The following CHP2 variants were observed in gnomAD, a reference collection of about 807,000 sequenced individuals.
The protein encoded by CHP2 is calcineurin B homologous protein 2.
Under a neutral mutation model 24.7 loss-of-function variants are expected in CHP2, and 31 were observed. The ratio of observed to expected loss-of-function variants is 1.26; its 90% CI spans 0.94 to 1.69. The LOEUF (loss-of-function observed/expected upper bound fraction) is 1.69. Among genes scored for constraint, CHP2 ranks in the 40% most tolerant of loss-of-function variants. The probability of loss-of-function intolerance (pLI) is 0.00; values close to 1 mark genes in which losing one functional copy is unlikely to be tolerated. For missense variants in CHP2, 319 were observed against 261.5 expected (o/e 1.22, Z -1.52); for synonymous variants, 97 against 99.1 (o/e 0.98, Z 0.13).
At chr16:23,756,350 AG>A in intron 4 of CHP2, 37 bp from the exon 5 acceptor site, 1 of 1,601,964 alleles carries the variant, frequency 6.2e-7, no homozygotes, top group Non-Finnish European at 8.5e-7. Context: ...GAGCCAGGGA[AG>A]ACCTACCTTC....
At position 23,755,785 on chromosome 16, in the gene CHP2, G is replaced by A. The variant is rs145184281; in HGVS notation, c.140+52G>A. ...CTGGCCTCTGTCTCTCTGACTCCAT[G>A]TCCCTCTTTGACCCTCCGTCTGGCA... On this transcript the variant is annotated intron_variant, in intron 2 of 6. Transcript: ENST00000300113. The A allele has an allele frequency of 2.9e-4, 468 of 1,613,306 alleles. 1 individual carries two copies. In the African/African-American group the frequency reaches 4.5e-3, roughly 16 times the overall value.
rs755697774 is a variant in CHP2 at position 23,755,874 on chromosome 16, G to A, written c.168G>A (p.Ala56=). 5.0e-6 allele frequency: 8 copies of A among 1,614,066 alleles called. No individual in the cohort carries two copies. Among genetic ancestry groups the A allele is most frequent in the Non-Finnish European group, 6.8e-6 (8 of 1,180,042 alleles). Reference sequence around the variant, plus strand: ...GCATGGATCTCCAGCAGATAGGGGCGCTCGCCGTGAACCCCCTGGGAGACC... The same window carrying A: ...GCATGGATCTCCAGCAGATAGGGGCACTCGCCGTGAACCCCCTGGGAGACC... ...LSRMDLQQIG[A]LAVNPLGDRI... is the part of the protein sequence containing the mutation. Residue 56 remains alanine, a synonymous_variant, in exon 3 of 7, where the codon GCG becomes GCA. Coordinates refer to ENST00000300113, the MANE Select transcript of CHP2 (RefSeq NM_022097.4).
At chr16:23,755,781 C>A in intron 2 of CHP2, 48 bp downstream of exon 2, 1 of 1,613,042 alleles carries the variant, frequency 6.2e-7, no homozygotes, top group Non-Finnish European at 8.5e-7. Context: ...CTCTCTGACT[C>A]CATGTCCCTC....
At position 23,756,450 on chromosome 16, in the gene CHP2, G is replaced by A. The variant is rs1417504139; in HGVS notation, c.414+1G>A. 1 of 1,613,454 alleles carries A rather than the reference G, an allele frequency of 6.2e-7. No homozygotes were observed. The highest frequency in any genetic ancestry group is 1.7e-5 in the Admixed American group (1 of 60,016). The stretch of plus-strand genomic sequence containing the variant: ...GATCTCCAGGCATGAGATGCTGCAG[G>A]TTGGCAGAAAGCGAGAGCAAGAGAT... On this transcript the variant is annotated splice_donor_variant, in intron 5 of 6. Coordinates refer to ENST00000300113, the MANE Select transcript of CHP2 (RefSeq NM_022097.4). LOFTEE classifies it high-confidence loss of function.
chr16:23,756,252 C>A, intron 4 of CHP2, 59 bp downstream of exon 4: 1 of 1,603,234 alleles, frequency 6.2e-7, no homozygotes, highest in Non-Finnish European at 8.5e-7. Context: ...CAGGGACAGG[C>A]TCCAGGGATC....
intron 6 of CHP2, 58 bp from the exon 7 acceptor site, chr16:23,757,472 T>C (rs1961241994): frequency 2.5e-6 from 4 of 1,593,856 alleles, no homozygotes; most frequent in Non-Finnish European, 3.4e-6. Flanking sequence ...GGGGAGGAGG[T>C]TGGGAGCATG....
rs1961244425 is a variant in CHP2 at position 23,757,557 on chromosome 16, A to G, written c.565A>G (p.Lys189Glu). The G allele has an allele frequency of 6.2e-7, 1 of 1,614,126 alleles. No homozygotes were observed. Among genetic ancestry groups the G allele is most frequent in the Non-Finnish European group, 8.5e-7 (1 of 1,180,016 alleles). ...CTTAGAGAAGATGGACGTTGAGCAA[A>G]AAATGAGCATCCGGATCCTGAAGTG... ...KSLEKMDVEQ[K>E]MSIRILK The change falls in exon 7 of 7, where the codon AAA becomes GAA. Residue 189 changes from lysine to glutamate, a missense_variant. By Grantham distance (56) the Lys-to-Glu change is moderately conservative. Coordinates refer to ENST00000300113, the MANE Select transcript of CHP2 (RefSeq NM_022097.4).
chr16:23,755,125 G>T lies in CHP2; in HGVS notation c.67+9G>T, dbSNP rs767637610. 3 of 1,594,306 alleles carry T rather than the reference G, an allele frequency of 1.9e-6. No individual in the cohort carries two copies. Among genetic ancestry groups the T allele is most frequent in the East Asian group, 2.3e-5 (1 of 43,146 alleles). ...TCGGCGAGAGACCGGCTGTGAGTGCGCCCGCGTCGGCGGCTGCGGAGGGGA... is the reference window on the plus strand; with the variant it reads ...TCGGCGAGAGACCGGCTGTGAGTGCTCCCGCGTCGGCGGCTGCGGAGGGGA... On this transcript the variant is annotated intron_variant, in intron 1 of 6. Coordinates refer to ENST00000300113, the MANE Select transcript of CHP2 (RefSeq NM_022097.4).
chr16:23,755,346 T>A (rs1433449068), intron 1 of CHP2: 5 of 593,514 alleles, frequency 8.4e-6, no homozygotes, highest in Non-Finnish European at 1.5e-5. Context: ...GGGGTCGGAG[T>A]CCAGAGGAAT....
Position 23,756,056 on chromosome 16 carries a change from TC to T in CHP2, c.222-3del, listed in dbSNP as rs776218876. The T allele has an allele frequency of 4.1e-5, 66 of 1,613,752 alleles. No homozygotes were observed. Among genetic ancestry groups the T allele is most frequent in the Non-Finnish European group, 5.3e-5 (63 of 1,179,908 alleles). On this transcript the variant is annotated splice_region_variant and splice_polypyrimidine_tract_variant and intron_variant, in intron 3 of 6. Coordinates refer to ENST00000300113, the MANE Select transcript of CHP2 (RefSeq NM_022097.4). ...CCACCTCTTTCCATTCTGTCCCGTC[TC>T]CCCAGGAGCCAGCGAGTGGATTTCC...
chr16:23,757,433 A>G, intron 6 of CHP2, 97 bp from the exon 7 acceptor site: 1 of 1,579,558 alleles, frequency 6.3e-7, no homozygotes, highest in Admixed American at 1.7e-5. Context: ...CCTGGGAATG[A>G]TGGGGTCTCT....
chr16:23,755,783 A>G (rs780577983), intron 2 of CHP2, 50 bp downstream of exon 2: 1 of 1,613,162 alleles, frequency 6.2e-7, no homozygotes, highest in East Asian at 2.2e-5. Context: ...CTCTGACTCC[A>G]TGTCCCTCTT....
At position 23,755,105 on chromosome 16, in the gene CHP2, G is replaced by A. The variant is rs768501001; in HGVS notation, c.56G>A (p.Arg19Gln). ...AVIPDGDSIR[R>Q]ETGFSQASLL... is the part of the protein sequence containing the mutation. ...ATTCCCGACGGGGACAGTATTCGGC[G>A]AGAGACCGGCTGTGAGTGCGCCCGC... is the stretch of plus-strand genomic sequence containing the variant. Residue 19 changes from arginine (R) to glutamine (Q), a missense_variant, in exon 1 of 7, where the codon CGA (arginine) becomes CAA (glutamine). Physicochemically the swap from Arg to Gln is conservative, Grantham distance 43. Transcript: ENST00000300113. The A allele has an allele frequency of 3.7e-6, 6 of 1,601,742 alleles. No homozygotes were observed. Among genetic ancestry groups the A allele is most frequent in the Non-Finnish European group, 5.1e-6 (6 of 1,176,312 alleles).
At chr16:23,756,263 T>C (rs1168217981) in intron 4 of CHP2, 70 bp downstream of exon 4, 1 of 1,597,760 alleles carries the variant, frequency 6.3e-7, no homozygotes, top group Admixed American at 1.7e-5. Flanking sequence ...TCCAGGGATC[T>C]CCCACTCCCT....
chr16:23,756,388 A>G lies in CHP2; in HGVS notation c.353A>G (p.Tyr118Cys), dbSNP rs191588524. 2 of 1,613,138 alleles carry G rather than the reference A, an allele frequency of 1.2e-6. No individual in the cohort carries two copies. Among genetic ancestry groups the G allele is most frequent in the Admixed American group, 3.3e-5 (2 of 59,968 alleles). Residue 118 changes from tyrosine to cysteine, a missense_variant and splice_region_variant, in exon 5 of 7, where the codon TAT (tyrosine) becomes TGT (cysteine). Coordinates refer to ENST00000300113, the MANE Select transcript of CHP2 (RefSeq NM_022097.4). ...TTTCCCCCTCCCACCCTCTCCCCAG[A>G]TGCATTTCAGCTCTATGACCTGGAT... is the stretch of plus-strand genomic sequence containing the variant. ...PLNSRRNKLHYAFQLYDLDRD... is the reference protein window; with the variant it reads ...PLNSRRNKLHCAFQLYDLDRD...
intron 1 of CHP2, 85 bp from the exon 2 acceptor site, chr16:23,755,575 TG>T: frequency 8.5e-7 from 1 of 1,170,276 alleles, no homozygotes; most frequent in East Asian, 2.3e-5. Context: ...CCCGCTGTTC[TG>T]GCCCATCTTC....
Position 23,755,905 on chromosome 16 carries a change from A to C in CHP2, c.199A>C (p.Ile67Leu), listed in dbSNP as rs567820903. 1 of 1,614,194 alleles carries C rather than the reference A, an allele frequency of 6.2e-7. No homozygotes were observed. Among genetic ancestry groups the C allele is most frequent in the Non-Finnish European group, 8.5e-7 (1 of 1,180,042 alleles). The change falls in exon 3 of 7, where the codon ATA (isoleucine) becomes CTA (leucine). Residue 67 changes from isoleucine (I) to leucine (L), a missense_variant. By Grantham distance (5) the Ile-to-Leu change is conservative. Transcript: ENST00000300113. ...LAVNPLGDRI[I>L]ESFFPDGSQR... is the part of the protein sequence containing the mutation. ...CGTGAACCCCCTGGGAGACCGAATT[A>C]TAGAAAGCTTCTTCCCCGATGGGTG...
Position 23,757,802 on chromosome 16 carries a change from A to T in CHP2, c.*219A>T. ...GGGACAGTTTTTCCACGGATGGGTG[A>T]CAGGGGATGGTTTTGGGATGATTCA... is the stretch of plus-strand genomic sequence containing the variant. On this transcript the variant is annotated 3_prime_UTR_variant, in exon 7 of 7. Coordinates refer to ENST00000300113, the MANE Select transcript of CHP2 (RefSeq NM_022097.4). 1 of 600,226 alleles carries T rather than the reference A, an allele frequency of 1.7e-6. No homozygotes were observed. Among genetic ancestry groups the T allele is most frequent in the South Asian group, 1.9e-5 (1 of 51,308 alleles). The allele number at this position is 600,226 out of a possible 1,614,324, so 37.2% of individuals were successfully genotyped here.
In CHP2 at chr16:23,758,631, A is replaced by G. The variant is rs1186441477; in HGVS notation, c.*1048A>G. The stretch of plus-strand genomic sequence containing the variant: ...CTCATCTCTACTTCTAGGGGAATGA[A>G]ACACTCTGAGTGGCCAGGCCTGTGT... On this transcript the variant is annotated 3_prime_UTR_variant, in exon 7 of 7. Transcript: ENST00000300113. The G allele has an allele frequency of 6.6e-6, 1 of 152,278 alleles. No individual in the cohort carries two copies. Among genetic ancestry groups the G allele is most frequent in the Non-Finnish European group, 1.5e-5 (1 of 68,062 alleles). 9.4% of individuals were successfully genotyped at this position (152,278 alleles called of 1,614,324 possible).
Sources: gnomAD v4.1 joint callset for allele counts on GRCh38, gnomAD v4.1.1 for gene constraint, MANE v1.5 for transcripts, NCBI Gene and HGNC (gene_info 2026-07-23, HGNC 2026-07-21) for gene names.